The following CCDC148 variants were observed in gnomAD, a reference collection of about 807,000 sequenced individuals.
CCDC148 encodes coiled-coil domain containing 148.
A neutral mutation model predicts 85.7 loss-of-function variants in CCDC148; 89 were observed. The observed-to-expected ratio is 1.04, with a 90% CI of 0.87 to 1.24. The LOEUF (loss-of-function observed/expected upper bound fraction) is 1.24, where lower values mean the gene tolerates loss of function less well. Ranked by LOEUF, CCDC148 falls within the 50% of genes most tolerant of loss-of-function variation. CCDC148 has a pLI of 0.00. For missense variants in CCDC148, 692 were observed against 671.7 expected, an observed-to-expected ratio of 1.03 and a Z score of -0.33; for synonymous variants, 230 against 213.9, an observed-to-expected ratio of 1.08 and a Z score of -0.66.
intron 7 of CCDC148, among the ~76,000 whole-genome samples, chr2:158,328,822 G>T (rs1328089974): frequency 6.6e-6 from 1 of 152,188 alleles, no homozygotes; most frequent in Non-Finnish European, 1.5e-5. Context: ...CTTTTGAGAA[G>T]TGTCTGTTCA....
intron 7 of CCDC148, among the ~76,000 whole-genome samples, chr2:158,324,483 G>A (rs1183521758): frequency 2.0e-5 from 3 of 151,998 alleles, no homozygotes; most frequent in African/African-American, 4.8e-5. Context: ...CCTATTTGCT[G>A]GCTCTTTAGG....
At chr2:158,400,973 C>G (rs1355443428) in intron 1 of CCDC148, among the ~76,000 whole-genome samples, 1 of 152,170 alleles carries the variant, frequency 6.6e-6, no homozygotes, top group Admixed American at 6.5e-5. Context: ...CTGGTCATCA[C>G]AGAAATGCAA....
At chr2:158,293,953 T>TCTTCCTTCCTCC (rs1559049494) in intron 9 of CCDC148, among the ~76,000 whole-genome samples, 1 of 13,536 alleles carries the variant, frequency 7.4e-5, no homozygotes, top group Non-Finnish European at 1.4e-4. Flanking sequence ...TTCCTTCCCC[T>TCTTCCTTCCTCC]CTCCCTCCCT....
intron 1 of CCDC148, among the ~76,000 whole-genome samples, chr2:158,434,870 G>C (rs1326595730): frequency 1.3e-5 from 2 of 152,016 alleles, no homozygotes; most frequent in East Asian, 3.9e-4. Context: ...TGCAAGAAAG[G>C]GTATCAGTGA....
At chr2:158,389,464 C>T (rs1685217203) in intron 1 of CCDC148, among the ~76,000 whole-genome samples, 2 of 152,142 alleles carry the variant, frequency 1.3e-5, no homozygotes, top group South Asian at 4.1e-4. Context: ...TGGGCTGATC[C>T]CAGATCAATT....
At chr2:158,279,634 C>A (rs1690161322) in intron 9 of CCDC148, among the ~76,000 whole-genome samples, 1 of 152,086 alleles carries the variant, frequency 6.6e-6, no homozygotes, top group South Asian at 2.1e-4. Flanking sequence ...TGTGAAAAGA[C>A]CAAATCTACA....
At chr2:158,226,841 T>C (rs377156498) in intron 10 of CCDC148, among the ~76,000 whole-genome samples, 22,511 of 151,646 alleles carry the variant, frequency 0.15, 2,067 homozygotes, top group Middle Eastern at 0.21. Flanking sequence ...AAACCCACAG[T>C]CAATATCATA....
intron 9 of CCDC148, among the ~76,000 whole-genome samples, chr2:158,280,202 G>T (rs907513912): frequency 6.6e-6 from 1 of 152,178 alleles, no homozygotes; most frequent in African/African-American, 2.4e-5. Flanking sequence ...TCGAGACTTG[G>T]AAGAAACTGC....
intron 7 of CCDC148, among the ~76,000 whole-genome samples, chr2:158,322,238 T>C (rs1452764065): frequency 6.6e-6 from 1 of 152,132 alleles, no homozygotes. Context: ...ATTATCAAAA[T>C]GTGGTAAAAA....
chr2:158,351,016 T>C (rs896063835), intron 2 of CCDC148, among the ~76,000 whole-genome samples: 1 of 152,166 alleles, frequency 6.6e-6, no homozygotes, highest in Non-Finnish European at 1.5e-5. Context: ...CTTCATACTT[T>C]ATTGGCCTTG....
intron 9 of CCDC148, among the ~76,000 whole-genome samples, chr2:158,251,502 C>T (rs2105142598): frequency 6.6e-6 from 1 of 151,796 alleles, no homozygotes; most frequent in East Asian, 1.9e-4. Context: ...AAATGCATAG[C>T]CTTGATCCAC....
At chr2:158,215,296 A>G (rs1686789498) in intron 11 of CCDC148, among the ~76,000 whole-genome samples, 1 of 152,204 alleles carries the variant, frequency 6.6e-6, no homozygotes. Context: ...AGAAATATGA[A>G]TAATATATAC....
chr2:158,192,830 C>G (rs1394224625), intron 11 of CCDC148, among the ~76,000 whole-genome samples: 1 of 151,002 alleles, frequency 6.6e-6, no homozygotes, highest in Non-Finnish European at 1.5e-5. Context: ...TTTCTCTGAC[C>G]TAAGCTGCTT....
At chr2:158,292,017 C>A (rs1690917511) in intron 9 of CCDC148, among the ~76,000 whole-genome samples, 1 of 152,058 alleles carries the variant, frequency 6.6e-6, no homozygotes, top group Non-Finnish European at 1.5e-5. Context: ...CTTTTATGGT[C>A]TTTTCATGCC....
At position 158,234,696 on chromosome 2, in the gene CCDC148, A is replaced by G. The variant is rs768924648; in HGVS notation, c.1252-13983T>C. On this transcript the variant is annotated intron_variant, in intron 10 of 13. Transcript: ENST00000283233. ...GCACTATTCTGATGTAACACTATGC[A>G]ACCACTAAAAATTATGCGGCAGGAG... Among the ~76,000 whole-genome samples the G allele has an allele frequency of 3.3e-5, 5 of 152,184 alleles. No individual in the cohort carries two copies. The South Asian group carries it at 6.2e-4, about 19-fold the overall frequency.
At chr2:158,212,194 A>C (rs1686617232) in intron 11 of CCDC148, among the ~76,000 whole-genome samples, 1 of 152,234 alleles carries the variant, frequency 6.6e-6, no homozygotes, top group South Asian at 2.1e-4. Flanking sequence ...ATCATTTGGC[A>C]CATCCACTTG....
chr2:158,212,502 T>C (rs1250745881), intron 11 of CCDC148, among the ~76,000 whole-genome samples: 2 of 152,188 alleles, frequency 1.3e-5, no homozygotes, highest in African/African-American at 2.4e-5. Context: ...AATTCTCTGA[T>C]GTTGGCAAGG....
intron 6 of CCDC148, 39 bp from the exon 7 acceptor site, chr2:158,338,946 G>A (rs767988980): frequency 1.4e-5 from 22 of 1,598,016 alleles, no homozygotes; most frequent in African/African-American, 4.1e-5. Context: ...TAACATAAAC[G>A]ACAAATTGAT....
chr2:158,404,926 G>C (rs1007792653), intron 1 of CCDC148, among the ~76,000 whole-genome samples: 1 of 152,114 alleles, frequency 6.6e-6, no homozygotes, highest in African/African-American at 2.4e-5. Flanking sequence ...ACTTTATAGA[G>C]ATCTTGTGAA....
Sources: gnomAD v4.1 joint callset for allele counts (sites outside exome capture counted in the v4.1 genomes callset) on GRCh38, gnomAD v4.1.1 for gene constraint, MANE v1.5 for transcripts, NCBI Gene and HGNC (gene_info 2026-07-23, HGNC 2026-07-21) for gene names.